Variants in GBF1 observed in about 807,000 individuals in gnomAD.
GBF1 encodes Golgi-specific brefeldin A-resistance guanine nucleotide exchange factor 1.
Under a neutral mutation model 210.5 loss-of-function variants are expected in GBF1, and 114 were observed. The ratio of observed to expected loss-of-function variants is 0.54; its 90% CI spans 0.47 to 0.63. The LOEUF (loss-of-function observed/expected upper bound fraction) is 0.63, where lower values mean the gene tolerates loss of function less well. Among genes scored for constraint, GBF1 ranks in the 30% least tolerant of loss-of-function variants. GBF1 has a pLI of 0.00. For synonymous variants in GBF1, 850 were observed against 889.2 expected (o/e 0.96, Z 0.78); for missense variants, 1,851 against 2,357.7 (o/e 0.79, Z 4.45).
In GBF1 at chr10:102,360,328, C is replaced by T. The variant is rs367728852; in HGVS notation, c.1325C>T (p.Ala442Val). Residue 442 changes from alanine to valine, a missense_variant, in exon 12 of 40, where the codon GCC becomes GTC. Physicochemically the swap from Ala to Val is moderately conservative, Grantham distance 64 (BLOSUM62 0). This residue lies in a region of GBF1 where 804 missense variants were observed against 958.6 expected (regional missense o/e 0.84). Coordinates refer to ENST00000369983, the MANE Select transcript of GBF1 (RefSeq NM_001377137.1). ...TTGCTGACAGTGGCCCTTGAGTCAG[C>T]CCCTGTAGCCCAGTGCCAGACCCTC... ...LHLLTVALES[A>V]PVAQCQTLLG... is the part of the protein sequence containing the mutation. 3 of 1,613,646 alleles carry T rather than the reference C, an allele frequency of 1.9e-6. No individual in the cohort carries two copies. The highest frequency in any genetic ancestry group is 1.1e-5 in the South Asian group (1 of 91,086).
Position 102,367,547 on chromosome 10 carries a change from T to C in GBF1, c.2629T>C (p.Tyr877His). The C allele has an allele frequency of 6.4e-7, 1 of 1,573,856 alleles. No homozygotes were observed. Residue 877 changes from tyrosine to histidine, a missense_variant, in exon 21 of 40, where the codon TAC becomes CAC. Transcript: ENST00000369983. Reference protein sequence around the residue: ...DFEQDILEDMYHAIKNEEIVM... With the variant: ...DFEQDILEDMHHAIKNEEIVM... ...TGAGCAAGACATCCTGGAGGACATG[T>C]ACCATGCCATCAAGTGAGTATACAT...
chr10:102,285,500 C>T (rs1589485609), intron 3 of GBF1, among the ~76,000 whole-genome samples: 2 of 152,170 alleles, frequency 1.3e-5, no homozygotes, highest in African/African-American at 4.8e-5. Context: ...GTTCCCATCT[C>T]CTTACTGTGT....
chr10:102,351,799 T>A (rs767267269), intron 5 of GBF1, 44 bp from the exon 6 acceptor site: 1 of 1,137,024 alleles, frequency 8.8e-7, no homozygotes. Flanking sequence ...TGAGTACCTC[T>A]CAGTACCTTG....
Position 102,381,181 on chromosome 10 carries a change from C to T in GBF1, c.5228C>T (p.Thr1743Ile). 6.2e-7 allele frequency: 1 copy of T among 1,613,900 alleles called. No individual in the cohort carries two copies. The highest frequency in any genetic ancestry group is 8.5e-7 in the Non-Finnish European group (1 of 1,179,846). The change falls in exon 39 of 40, where the codon ACT (threonine) becomes ATT (isoleucine). Residue 1743 changes from threonine (T) to isoleucine (I), a missense_variant. Physicochemically the swap from Thr to Ile is moderately conservative, Grantham distance 89. Around this residue, in one of 3 missense-constraint regions of GBF1, gnomAD observed 967 missense variants for 1,247.7 expected, o/e 0.78. Transcript: ENST00000369983. ...GQKPLASAHL[T>I]SAAGDTRTPG... Reference sequence around the variant, plus strand: ...AAGCCTCTCGCCTCAGCCCACCTGACTTCCGCTGCTGGCGACACTAGGACA... The same window carrying T: ...AAGCCTCTCGCCTCAGCCCACCTGATTTCCGCTGCTGGCGACACTAGGACA...
At chr10:102,313,668 T>G (rs1174848372) in intron 3 of GBF1, among the ~76,000 whole-genome samples, 1 of 152,200 alleles carries the variant, frequency 6.6e-6, no homozygotes, top group Non-Finnish European at 1.5e-5. Flanking sequence ...ATGGCTCAGA[T>G]TAATATTAAT....
intron 8 of GBF1, among the ~76,000 whole-genome samples, chr10:102,355,539 T>C (rs2059245072): frequency 6.6e-6 from 1 of 152,176 alleles, no homozygotes; most frequent in Non-Finnish European, 1.5e-5. Context: ...GCTGAGGCAT[T>C]CGTGAGAACT....
the GBF1 span, among the ~76,000 whole-genome samples, chr10:102,235,178 C>T: frequency 9.1e-6 from 1 of 109,538 alleles, no homozygotes; most frequent in African/African-American, 3.6e-5. Flanking sequence ...CCCCACCCCC[C>T]ACCCCCCCAC....
intron 1 of GBF1, among the ~76,000 whole-genome samples, chr10:102,248,246 TA>T (rs1231909214): frequency 6.6e-6 from 1 of 152,172 alleles, no homozygotes; most frequent in Non-Finnish European, 1.5e-5. Context: ...AAGAGCTATG[TA>T]AATATAATGA....
chr10:102,319,181 G>A (rs144376612), intron 3 of GBF1, among the ~76,000 whole-genome samples: 1,561 of 152,272 alleles, frequency 0.01, 23 homozygotes, highest in African/African-American at 0.036. Flanking sequence ...TTAGCCGGGC[G>A]TGGTGGCAGG....
At chr10:102,256,022 C>G (rs767589013) in intron 1 of GBF1, among the ~76,000 whole-genome samples, 1 of 152,072 alleles carries the variant, frequency 6.6e-6, no homozygotes, top group Admixed American at 6.6e-5. Context: ...CGCGGTTCAC[C>G]GCAGCCTCAA....
At position 102,369,954 on chromosome 10, in the gene GBF1, G is replaced by A. The variant is rs752137205; in HGVS notation, c.3309G>A (p.Glu1103=). 1.9e-5 allele frequency: 31 copies of A among 1,614,022 alleles called. 1 individual carries two copies. In the South Asian group the frequency reaches 3.1e-4, roughly 16 times the overall value. The stretch of plus-strand genomic sequence containing the variant: ...GGGGCCCATCCACTGAAAACCAAGA[G>A]GCCAAGAGAGTGGCCTTAGAGTGTA... ...SVRGPSTENQ[E]AKRVALECIK... The change falls in exon 26 of 40, where the codon GAG becomes GAA. Residue 1103 remains glutamate (E), a synonymous_variant. Transcript: ENST00000369983.
Position 102,369,197 on chromosome 10 carries a change from T to A in GBF1, c.2974-14T>A, listed in dbSNP as rs7902882. 1 allele frequency: 1,595,868 copies of A among 1,598,992 alleles called. 796,427 individuals are homozygous for A. Among genetic ancestry groups the A allele is most frequent in the East Asian group, 1 (44,724 of 44,724 alleles). ...TTAGCTCGGCCTTAAGTCTGTTCTC[T>A]TCCTCTTTTCCAGTCTATTGAGAAC... On this transcript the variant is annotated splice_polypyrimidine_tract_variant and intron_variant, in intron 23 of 39. Transcript: ENST00000369983.
intron 1 of GBF1, among the ~76,000 whole-genome samples, 155 bp from the exon 2 acceptor site, chr10:102,258,774 C>CAAAA (rs74634439): frequency 6.6e-4 from 52 of 78,542 alleles, no homozygotes; most frequent in Non-Finnish European, 9.2e-4. Flanking sequence ...AACTCTGCCT[C>CAAAA]AAAAAAAAAA....
intron 1 of GBF1, among the ~76,000 whole-genome samples, chr10:102,248,620 T>C (rs1237701563): frequency 6.6e-6 from 1 of 152,010 alleles, no homozygotes. Context: ...TGCCTTTATT[T>C]TTTTTTTGTC....
In GBF1 at chr10:102,379,954, G is replaced by A; in HGVS notation, c.4878G>A (p.Lys1626=). ...TGAGGGCTTCCACATTGCTCTCTAA[G>A]GTACTGCTCACCACCCTATACCCAC... The part of the protein sequence containing the change: ...TRMRASTLLS[K]VFLQHLSPLL... The change falls in exon 36 of 40, where the codon AAG becomes AAA. Residue 1626 remains lysine (K), a splice_region_variant and synonymous_variant. Coordinates refer to ENST00000369983, the MANE Select transcript of GBF1 (RefSeq NM_001377137.1). The A allele has an allele frequency of 6.3e-7, 1 of 1,591,608 alleles. No homozygotes were observed. Among genetic ancestry groups the A allele is most frequent in the Non-Finnish European group, 8.6e-7 (1 of 1,160,820 alleles).
chr10:102,277,823 A>C (rs939929620), intron 3 of GBF1, among the ~76,000 whole-genome samples: 1 of 152,188 alleles, frequency 6.6e-6, no homozygotes, highest in African/African-American at 2.4e-5. Flanking sequence ...TTTTGTCAAT[A>C]AACTTTTATT....
intron 6 of GBF1, 56 bp from the exon 7 acceptor site, chr10:102,352,402 C>T (rs1292254658): frequency 9.9e-6 from 12 of 1,208,608 alleles, no homozygotes; most frequent in African/African-American, 1.5e-5. Context: ...TGAGAACCCT[C>T]TTGATAATAG....
intron 17 of GBF1, among the ~76,000 whole-genome samples, chr10:102,364,718 G>A (rs1372712895): frequency 3.3e-5 from 5 of 151,790 alleles, no homozygotes; most frequent in African/African-American, 1.2e-4. Context: ...GCATGGTGGT[G>A]CATGCCTGTA....
intron 28 of GBF1, 101 bp downstream of exon 28, chr10:102,370,579 G>A: frequency 1.5e-6 from 2 of 1,297,752 alleles, no homozygotes; most frequent in African/African-American, 1.5e-5. Flanking sequence ...TAGGCAGCAG[G>A]GGAGAAGCTT....
Sources: gnomAD v4.1 joint callset for allele counts (sites outside exome capture counted in the v4.1 genomes callset) on GRCh38, gnomAD v4.1.1 for gene constraint, gnomAD v4.1.1 regional missense constraint, MANE v1.5 for transcripts, NCBI Gene and HGNC (gene_info 2026-07-23, HGNC 2026-07-21) for gene names.